OR2AJ1: variants seen among roughly 807,000 people sequenced by gnomAD.
OR2AJ1 encodes the protein olfactory receptor 2AJ1.
For synonymous variants in OR2AJ1, 105 were observed against 60.3 expected (o/e 1.74, Z -3.44); for missense variants, 280 against 163.2 (o/e 1.72, Z -3.90).
intron 1 of OR2AJ1, among the ~76,000 whole-genome samples, chr1:247,931,881 G>T (rs1660156472): frequency 6.6e-6 from 1 of 152,156 alleles, no homozygotes; most frequent in Non-Finnish European, 1.5e-5. Flanking sequence ...CAGGGAGTGG[G>T]GAAAAGTTAA....
At chr1:247,926,107 T>TGCCATTTTATTTAGATAAATGAAAC (rs1660088498) in intron 1 of OR2AJ1, among the ~76,000 whole-genome samples, 1 of 152,202 alleles carries the variant, frequency 6.6e-6, no homozygotes, top group African/African-American at 2.4e-5. Flanking sequence ...AATTAAATCA[T>TGCCATTTTATTTAGATAAATGAAAC]GCCATTTTAT....
chr1:247,927,892 A>G (rs1387319017), intron 1 of OR2AJ1, among the ~76,000 whole-genome samples: 3 of 152,214 alleles, frequency 2.0e-5, no homozygotes, highest in Non-Finnish European at 4.4e-5. Flanking sequence ...TCCATTGTGT[A>G]TACATACCAC....
At chr1:247,928,637 G>A (rs1379937999) in intron 1 of OR2AJ1, among the ~76,000 whole-genome samples, 3 of 152,258 alleles carry the variant, frequency 2.0e-5, no homozygotes, top group East Asian at 1.9e-4. Flanking sequence ...TTCATAAGAA[G>A]CAAGTGTTGA....
chr1:247,934,623 C>T lies in OR2AJ1; in HGVS notation c.855C>T (p.Leu285=), dbSNP rs1487207373. 1.3e-5 allele frequency: 9 copies of T among 717,774 alleles called. No homozygotes were observed. The highest frequency in any genetic ancestry group is 2.1e-5 in the Non-Finnish European group (8 of 385,212). The allele number at this position is 717,774 out of a possible 1,614,324, so 44.5% of individuals were successfully genotyped here. A position where few individuals can be genotyped will look rare whatever the true frequency, so the allele number is the denominator to read the frequency against. Residue 285 remains leucine, a synonymous_variant, in exon 2 of 2, where the codon CTC becomes CTT. Coordinates refer to ENST00000318244, the MANE Select transcript of OR2AJ1 (RefSeq NM_001355235.2). ...AIFYTILTPT[L]NPFIYSFRNK... ...TCTATACGATCCTCACACCCACACTCAACCCTTTCATCTACAGCTTTAGGA... is the reference window on the plus strand; with the variant it reads ...TCTATACGATCCTCACACCCACACTTAACCCTTTCATCTACAGCTTTAGGA...
rs1360357987 is a variant in OR2AJ1 at position 247,925,048 on chromosome 1, G to A, written c.-143G>A. 2 of 152,272 alleles carry A rather than the reference G, an allele frequency of 1.3e-5. No individual in the cohort carries two copies. The highest frequency in any genetic ancestry group is 4.8e-5 in the African/African-American group (2 of 41,434). The allele number at this position is 152,272 out of a possible 1,614,324, so 9.4% of individuals were successfully genotyped here. ...GAGTCACTCTCAAGGACATGACATT[G>A]AAACAAACATCTGAGTAGCATGAAC... On this transcript the variant is annotated 5_prime_UTR_variant, in exon 1 of 2. Transcript: ENST00000318244.
intron 1 of OR2AJ1, among the ~76,000 whole-genome samples, chr1:247,927,798 T>G (rs555211448): frequency 3.0e-4 from 46 of 152,314 alleles, no homozygotes; most frequent in Non-Finnish European, 4.4e-4. Flanking sequence ...TGCCCTGGTT[T>G]ATTGAACTCA....
rs1482323002 is a variant in OR2AJ1 at position 247,934,326 on chromosome 1, G to C, written c.558G>C (p.Lys186Asn). 3 of 737,972 alleles carry C rather than the reference G, an allele frequency of 4.1e-6. No homozygotes were observed. The African/African-American group carries it at 5.2e-5, about 13-fold the overall frequency. 45.7% of individuals were successfully genotyped at this position (737,972 alleles called of 1,614,324 possible). A position where few individuals can be genotyped will look rare whatever the true frequency, so the allele number is the denominator to read the frequency against. The stretch of plus-strand genomic sequence containing the variant: ...TCTGTGAAGTCCCTGCCATGTTGAA[G>C]TTGTCCTGTGCAGACACAACACGCT... ...HFFCEVPAMLKLSCADTTRYE... is the reference protein window; with the variant it reads ...HFFCEVPAMLNLSCADTTRYE... Residue 186 changes from lysine to asparagine, a missense_variant, in exon 2 of 2, where the codon AAG (lysine) becomes AAC (asparagine). Lys to Asn is a moderately conservative substitution (Grantham distance 94). Transcript: ENST00000318244.
intron 1 of OR2AJ1, among the ~76,000 whole-genome samples, chr1:247,926,323 C>A (rs1660090473): frequency 6.6e-6 from 1 of 152,102 alleles, no homozygotes; most frequent in South Asian, 2.1e-4. Flanking sequence ...GTTGTACACC[C>A]AGTTGAAATT....
chr1:247,930,455 T>C (rs182538157), intron 1 of OR2AJ1, among the ~76,000 whole-genome samples: 30 of 152,252 alleles, frequency 2.0e-4, no homozygotes, highest in Admixed American at 3.3e-4. Context: ...AGTGGGTCAA[T>C]GAGTGAAGAG....
At chr1:247,928,143 T>G (rs111863225) in intron 1 of OR2AJ1, among the ~76,000 whole-genome samples, 2,548 of 152,328 alleles carry the variant, frequency 0.017, 66 homozygotes, top group African/African-American at 0.058. Flanking sequence ...CTGTATAAGA[T>G]GTCTCTTTCT....
chr1:247,933,717 C>G (rs1177395145), intron 1 of OR2AJ1, 30 bp from the exon 2 acceptor site: 1 of 548,960 alleles, frequency 1.8e-6, no homozygotes. Context: ...AATATTTTTT[C>G]TTTATTATTA....
chr1:247,932,834 C>T (rs542331915), intron 1 of OR2AJ1, among the ~76,000 whole-genome samples: 5 of 152,092 alleles, frequency 3.3e-5, no homozygotes, highest in African/African-American at 1.2e-4. Context: ...ATTTAAGTAA[C>T]CACTATCAAA....
rs771907713 is a variant in OR2AJ1, at chr1:247,934,822, A to G, written c.*67A>G. On this transcript the variant is annotated 3_prime_UTR_variant, in exon 2 of 2. Transcript: ENST00000318244. ...CAAAGCTTCTATCTTACCACATATAAGAAGTGAATATTTCAGAAACATTGT... is the reference window on the plus strand; with the variant it reads ...CAAAGCTTCTATCTTACCACATATAGGAAGTGAATATTTCAGAAACATTGT... 14 of 609,958 alleles carry G rather than the reference A, an allele frequency of 2.3e-5. No homozygotes were observed. Among genetic ancestry groups the G allele is most frequent in the Non-Finnish European group, 3.8e-5 (13 of 343,828 alleles). The allele number at this position is 609,958 out of a possible 1,614,324, so 37.8% of individuals were successfully genotyped here.
chr1:247,927,756 A>G (rs1436712654), intron 1 of OR2AJ1, among the ~76,000 whole-genome samples: 1 of 152,138 alleles, frequency 6.6e-6, no homozygotes, highest in Admixed American at 6.5e-5. Flanking sequence ...CCTTCTGTAT[A>G]TGAATGAGAA....
chr1:247,927,709 A>G (rs1331174418), intron 1 of OR2AJ1, among the ~76,000 whole-genome samples: 1 of 152,068 alleles, frequency 6.6e-6, no homozygotes, highest in Non-Finnish European at 1.5e-5. Context: ...AGTAAATACC[A>G]TTCTACTCTC....
intron 1 of OR2AJ1, among the ~76,000 whole-genome samples, chr1:247,931,188 G>T (rs141501093): frequency 6.6e-6 from 1 of 152,292 alleles, no homozygotes; most frequent in East Asian, 1.9e-4. Flanking sequence ...GATGTAGAGT[G>T]TATATTTTTC....
chr1:247,926,374 T>C (rs535876374), intron 1 of OR2AJ1, among the ~76,000 whole-genome samples: 3 of 152,350 alleles, frequency 2.0e-5, no homozygotes, highest in Admixed American at 1.3e-4. Context: ...CTTTGACTGA[T>C]AGCAATGGTA....
chr1:247,931,287 G>A (rs951910909), intron 1 of OR2AJ1, among the ~76,000 whole-genome samples: 2 of 152,176 alleles, frequency 1.3e-5, no homozygotes, highest in Non-Finnish European at 2.9e-5. Context: ...CCTGTGTGGG[G>A]AACAAGCTAT....
rs1460654618 is a variant in OR2AJ1 at position 247,924,930 on chromosome 1, C to T, written c.-261C>T. The T allele has an allele frequency of 6.6e-6, 1 of 152,264 alleles. No homozygotes were observed. Among genetic ancestry groups the T allele is most frequent in the Non-Finnish European group, 1.5e-5 (1 of 68,092 alleles). The allele number at this position is 152,264 out of a possible 1,614,324, so 9.4% of individuals were successfully genotyped here. A position where few individuals can be genotyped will look rare whatever the true frequency, so the allele number is the denominator to read the frequency against. ...CTGGGAAGTTGTCTTTCATCCTTTT[C>T]CTTGCTCCTTTCAAATCACATATCC... On this transcript the variant is annotated 5_prime_UTR_variant, in exon 1 of 2. Coordinates refer to ENST00000318244, the MANE Select transcript of OR2AJ1 (RefSeq NM_001355235.2).
Sources: gnomAD v4.1 joint callset for allele counts (sites outside exome capture counted in the v4.1 genomes callset) on GRCh38, gnomAD v4.1.1 for gene constraint, MANE v1.5 for transcripts, NCBI Gene and HGNC (gene_info 2026-07-23, HGNC 2026-07-21) for gene names.